DUOXA1: variants seen among roughly 807,000 people sequenced by gnomAD.
The protein encoded by DUOXA1 is dual oxidase maturation factor 1, also known as dual oxidase activator 1.
DUOXA1 carries 19 observed loss-of-function variants against 26.6 expected under a neutral mutation model. That is an observed-to-expected ratio of 0.71 (90% CI 0.50 to 1.05). DUOXA1 has a LOEUF of 1.05. Ranked by LOEUF, DUOXA1 falls within the 50% of genes least tolerant of loss-of-function variation. The pLI, the probability that DUOXA1 is intolerant of heterozygous loss-of-function variation, is 0.00. For synonymous variants in DUOXA1, 166 were observed against 177.0 expected (o/e 0.94, Z 0.49); for missense variants, 403 against 427.5 (o/e 0.94, Z 0.51).
rs1051784648 is a variant in DUOXA1, at chr15:45,120,413, G to A, written c.555-93C>T. ...CAGGCGGAGGTTCAGGGACCCAAGA[G>A]TGACCCAAAGATATGAGGTAGGGAT... On this transcript the variant is annotated intron_variant, in intron 7 of 8. Transcript: ENST00000560572. 7 of 1,519,580 alleles carry A rather than the reference G, an allele frequency of 4.6e-6. No individual in the cohort carries two copies. The African/African-American group carries it at 9.6e-5, about 21-fold the overall frequency. The allele number at this position is 1,519,580 out of a possible 1,614,324, so 94.1% of individuals were successfully genotyped here. A position where few individuals can be genotyped will look rare whatever the true frequency, so the allele number is the denominator to read the frequency against.
At position 45,118,208 on chromosome 15, in the gene DUOXA1, G is replaced by A; in HGVS notation, c.*898C>T. The A allele has an allele frequency of 7.1e-7, 1 of 1,417,274 alleles. No homozygotes were observed. Among genetic ancestry groups the A allele is most frequent in the Non-Finnish European group, 9.2e-7 (1 of 1,092,026 alleles). 87.8% of individuals were successfully genotyped at this position (1,417,274 alleles called of 1,614,324 possible). On this transcript the variant is annotated 3_prime_UTR_variant, in exon 9 of 9. Coordinates refer to ENST00000560572, the MANE Select transcript of DUOXA1 (RefSeq NM_001276266.2). ...AGCCTAGTACACTCTCCGCAGTGCT[G>A]TGAAACCTGATTCTCTGCGTCGACT...
chr15:45,122,735 G>T, intron 4 of DUOXA1, 133 bp downstream of exon 4: 1 of 1,128,280 alleles, frequency 8.9e-7, no homozygotes, highest in Non-Finnish European at 1.2e-6. Context: ...GGAGCTTTCT[G>T]CCTGGGGTCG....
At chr15:45,121,383 T>C (rs558805327) in intron 5 of DUOXA1, among the ~76,000 whole-genome samples, 162 bp from the exon 6 acceptor site, 2 of 152,212 alleles carry the variant, frequency 1.3e-5, no homozygotes, top group Non-Finnish European at 2.9e-5. Context: ...CAACCACATG[T>C]GTGGGATTTC....
In DUOXA1 at chr15:45,120,477, T is replaced by A. The variant is rs535394171; in HGVS notation, c.554+115A>T. ...CTTCCCAAGCCAGCACCATGGGGAC[T>A]GGTGCCAGGCCACCCCACCTGAGAT... On this transcript the variant is annotated intron_variant, in intron 7 of 8. Transcript: ENST00000560572. 2.0e-5 allele frequency: 29 copies of A among 1,444,774 alleles called. No homozygotes were observed. In the African/African-American group the frequency reaches 3.5e-4, roughly 17 times the overall value. The allele number at this position is 1,444,774 out of a possible 1,614,324, so 89.5% of individuals were successfully genotyped here.
chr15:45,123,937 A>G (rs1460131859), intron 3 of DUOXA1, among the ~76,000 whole-genome samples: 1 of 152,212 alleles, frequency 6.6e-6, no homozygotes, highest in African/African-American at 2.4e-5. Flanking sequence ...GGATTGCATG[A>G]CACACTACTA....
At chr15:45,124,718 G>A (rs1470599325) in intron 3 of DUOXA1, among the ~76,000 whole-genome samples, 1 of 151,926 alleles carries the variant, frequency 6.6e-6, no homozygotes. Context: ...TCACCATGTT[G>A]GCCAGGCTGG....
chr15:45,118,993 G>T lies in DUOXA1; in HGVS notation c.*113C>A, dbSNP rs534349863. ...CCTTTTTCTACTCCGTCTGTAGATT[G>T]GTGCTGGGTGTCTGGTAACAGCCAC... On this transcript the variant is annotated 3_prime_UTR_variant, in exon 9 of 9. Transcript: ENST00000560572. 1.2e-5 allele frequency: 17 copies of T among 1,468,052 alleles called. No individual in the cohort carries two copies. In the South Asian group the frequency reaches 2.5e-4, roughly 21 times the overall value. The allele number at this position is 1,468,052 out of a possible 1,614,324, so 90.9% of individuals were successfully genotyped here.
intron 5 of DUOXA1, 40 bp from the exon 6 acceptor site, chr15:45,121,261 A>G (rs1378483874): frequency 6.2e-6 from 10 of 1,613,576 alleles, no homozygotes; most frequent in Non-Finnish European, 7.6e-6. Context: ...CTCAGAGATG[A>G]CTGGGCATTA....
At chr15:45,128,221 G>T (rs574041721) in intron 3 of DUOXA1, among the ~76,000 whole-genome samples, 1 of 152,322 alleles carries the variant, frequency 6.6e-6, no homozygotes, top group East Asian at 1.9e-4. Flanking sequence ...CAATCTTTAA[G>T]AAAATTCAGC....
chr15:45,118,014 T>G lies in DUOXA1; in HGVS notation c.*1092A>C. On this transcript the variant is annotated 3_prime_UTR_variant, in exon 9 of 9. Coordinates refer to ENST00000560572, the MANE Select transcript of DUOXA1 (RefSeq NM_001276266.2). ...GAGCTCCAGGAAGGGCACTGAGCGC[T>G]GCTGGCGCGAGGCCTCGGACATCCG... 6.2e-7 allele frequency: 1 copy of G among 1,604,518 alleles called. No individual in the cohort carries two copies. Among genetic ancestry groups the G allele is most frequent in the Non-Finnish European group, 8.5e-7 (1 of 1,173,204 alleles).
intron 3 of DUOXA1, among the ~76,000 whole-genome samples, chr15:45,127,711 A>G (rs972692246): frequency 6.6e-6 from 1 of 152,206 alleles, no homozygotes; most frequent in Non-Finnish European, 1.5e-5. Context: ...CCTGGGGAAC[A>G]TCTTTCTTTC....
At chr15:45,128,688 G>A (rs1895892759) in intron 3 of DUOXA1, 1 of 152,256 alleles carries the variant, frequency 6.6e-6, no homozygotes, top group Non-Finnish European at 1.5e-5. Context: ...TCCCCAGTAA[G>A]GGCTGATGTG....
intron 3 of DUOXA1, among the ~76,000 whole-genome samples, chr15:45,128,267 T>A (rs368223562): frequency 6.6e-6 from 1 of 152,260 alleles, no homozygotes; most frequent in Non-Finnish European, 1.5e-5. Flanking sequence ...TTCAAAGTTA[T>A]GTGCTAACGT....
chr15:45,120,838 C>T, intron 6 of DUOXA1, 33 bp from the exon 7 acceptor site: 1 of 1,610,690 alleles, frequency 6.2e-7, no homozygotes, highest in Non-Finnish European at 8.5e-7. Flanking sequence ...TCAGCAGGAA[C>T]CCAAGGGCCA....
chr15:45,122,006 C>A (rs1895253840), intron 5 of DUOXA1, among the ~76,000 whole-genome samples, 179 bp downstream of exon 5: 1 of 152,172 alleles, frequency 6.6e-6, no homozygotes, highest in African/African-American at 2.4e-5. Context: ...GACACCTCTC[C>A]AGGCAAGGGT....
Position 45,117,579 on chromosome 15 carries a change from C to T in DUOXA1, c.*1527G>A, listed in dbSNP as rs370129676. Reference sequence around the variant, plus strand: ...AGGCTCCAAAAGATGGAAGAAGGCCCGGGCATCACGCCTGTAATCCCAGCA... The same window carrying T: ...AGGCTCCAAAAGATGGAAGAAGGCCTGGGCATCACGCCTGTAATCCCAGCA... On this transcript the variant is annotated 3_prime_UTR_variant, in exon 9 of 9. Coordinates refer to ENST00000560572, the MANE Select transcript of DUOXA1 (RefSeq NM_001276266.2). 3.1e-5 allele frequency: 49 copies of T among 1,605,094 alleles called. No homozygotes were observed. Among genetic ancestry groups the T allele is most frequent in the Non-Finnish European group, 4.3e-6 (5 of 1,175,438 alleles).
chr15:45,125,572 T>A (rs1435025732), intron 3 of DUOXA1, among the ~76,000 whole-genome samples: 1 of 152,168 alleles, frequency 6.6e-6, no homozygotes, highest in Non-Finnish European at 1.5e-5. Flanking sequence ...CTCCATTAGG[T>A]CACTAAGTGT....
rs755861594 is a variant in DUOXA1, at chr15:45,117,934, C to T, written c.*1172G>A. The stretch of plus-strand genomic sequence containing the variant: ...AGGGGGACCCAATCTGGACTCCTTC[C>T]CCGCCTTGGGACATCGCAGGCCGGG... On this transcript the variant is annotated 3_prime_UTR_variant, in exon 9 of 9. Transcript: ENST00000560572. 3.1e-6 allele frequency: 5 copies of T among 1,613,092 alleles called. No homozygotes were observed. The highest frequency in any genetic ancestry group is 4.2e-6 in the Non-Finnish European group (5 of 1,180,012).
chr15:45,120,582 C>T lies in DUOXA1; in HGVS notation c.554+10G>A, dbSNP rs1160556393. 6.2e-7 allele frequency: 1 copy of T among 1,613,834 alleles called. No individual in the cohort carries two copies. Among genetic ancestry groups the T allele is most frequent in the South Asian group, 1.1e-5 (1 of 91,068 alleles). Reference sequence around the variant, plus strand: ...CCAGGGCCTCCACCCCGTCTCCTTCCCATCCTCACCATAGCATGGCTGAGG... The same window carrying T: ...CCAGGGCCTCCACCCCGTCTCCTTCTCATCCTCACCATAGCATGGCTGAGG... On this transcript the variant is annotated intron_variant, in intron 7 of 8. Coordinates refer to ENST00000560572, the MANE Select transcript of DUOXA1 (RefSeq NM_001276266.2).
Sources: gnomAD v4.1 joint callset for allele counts (sites outside exome capture counted in the v4.1 genomes callset) on GRCh38, gnomAD v4.1.1 for gene constraint, MANE v1.5 for transcripts, NCBI Gene and HGNC (gene_info 2026-07-23, HGNC 2026-07-21) for gene names.